Variants in MAP3K1 observed in about 807,000 individuals in gnomAD.
MAP3K1 encodes the protein mitogen-activated protein kinase kinase kinase 1.
In MAP3K1, 36 loss-of-function variants were observed where a neutral mutation model predicts 144.2. That is an observed-to-expected ratio of 0.25 (90% CI 0.19 to 0.33). The LOEUF is 0.33. Among genes scored for constraint, MAP3K1 ranks in the 10% least tolerant of loss-of-function variants. The pLI, the probability that MAP3K1 is intolerant of heterozygous loss-of-function variation, is 1.00. For synonymous variants in MAP3K1, 718 were observed against 688.7 expected (o/e 1.04, Z -0.67); for missense variants, 1,650 against 1,881.9 (o/e 0.88, Z 2.28).
At position 56,856,622 on chromosome 5, in the gene MAP3K1, A is replaced by G; in HGVS notation, c.505A>G (p.Thr169Ala). 1 of 1,613,800 alleles carries G rather than the reference A, an allele frequency of 6.2e-7. No individual in the cohort carries two copies. The highest frequency in any genetic ancestry group is 1.1e-5 in the South Asian group (1 of 91,082). ...TAGTCGTGAGATGGAGAATAAAGAAACTCTCAAAGGGTTGCACAAGATGGA... is the reference window on the plus strand; with the variant it reads ...TAGTCGTGAGATGGAGAATAAAGAAGCTCTCAAAGGGTTGCACAAGATGGA... ...PAGREMENKE[T>A]LKGLHKMDDR... The change falls in exon 2 of 20, where the codon ACT becomes GCT. Residue 169 changes from threonine to alanine, a missense_variant. Thr to Ala is a moderately conservative substitution (Grantham distance 58). This residue lies in a region of MAP3K1 where 360 missense variants were observed against 274.7 expected (regional missense o/e 1.31). Coordinates refer to ENST00000399503, the MANE Select transcript of MAP3K1 (RefSeq NM_005921.2).
At chr5:56,829,305 C>A (rs1044158694) in intron 1 of MAP3K1, among the ~76,000 whole-genome samples, 11 of 151,656 alleles carry the variant, frequency 7.3e-5, no homozygotes, top group African/African-American at 2.4e-4. Context: ...ACTTCAGCCT[C>A]CTGCGTAGCT....
chr5:56,839,030 A>C (rs1306696929), intron 1 of MAP3K1, among the ~76,000 whole-genome samples: 1 of 152,210 alleles, frequency 6.6e-6, no homozygotes, highest in Non-Finnish European at 1.5e-5. Context: ...TTCCTAGGGA[A>C]TAATATTAGT....
intron 1 of MAP3K1, among the ~76,000 whole-genome samples, chr5:56,839,284 G>C (rs1163327755): frequency 6.6e-6 from 1 of 152,194 alleles, no homozygotes; most frequent in East Asian, 1.9e-4. Context: ...GGACATTTTT[G>C]ATGTTGTGGC....
chr5:56,821,805 A>T (rs1259227971), intron 1 of MAP3K1, among the ~76,000 whole-genome samples: 1 of 152,192 alleles, frequency 6.6e-6, no homozygotes, highest in Non-Finnish European at 1.5e-5. Context: ...ACTTTATCTG[A>T]TTCTTTGCAC....
intron 3 of MAP3K1, among the ~76,000 whole-genome samples, chr5:56,862,989 A>G (rs1284829080): frequency 6.6e-6 from 1 of 152,236 alleles, no homozygotes; most frequent in African/African-American, 2.4e-5. Flanking sequence ...CAAAATAGGT[A>G]GTAGGTAGCC....
chr5:56,834,905 ATAT>A (rs1430552650), intron 1 of MAP3K1, among the ~76,000 whole-genome samples: 19 of 152,270 alleles, frequency 1.2e-4, no homozygotes, highest in African/African-American at 3.9e-4. Context: ...TTAATTTTAG[ATAT>A]TATTATAATA....
chr5:56,856,002 C>T (rs374196331), intron 1 of MAP3K1, among the ~76,000 whole-genome samples: 2 of 152,074 alleles, frequency 1.3e-5, no homozygotes, highest in East Asian at 3.8e-4. Context: ...CTGGTAAATC[C>T]ACACCATTTT....
rs832547 is a variant in MAP3K1, at chr5:56,888,114, C to G, written c.4258-112C>G. The G allele has an allele frequency of 0.79, 718,087 of 912,532 alleles. 284,910 individuals are homozygous for G. The highest frequency in any genetic ancestry group is 0.82 in the Non-Finnish European group (459,681 of 560,742). 56.5% of individuals were successfully genotyped at this position (912,532 alleles called of 1,614,324 possible). Reference sequence around the variant, plus strand: ...TAGATATTAGGTAGTCCACAGAATTCCTGTTTGTACCAGTTTTCTCCCTAA... The same window carrying G: ...TAGATATTAGGTAGTCCACAGAATTGCTGTTTGTACCAGTTTTCTCCCTAA... On this transcript the variant is annotated intron_variant, in intron 18 of 19. Transcript: ENST00000399503.
At chr5:56,831,965 A>G (rs1391428033) in intron 1 of MAP3K1, among the ~76,000 whole-genome samples, 1 of 152,154 alleles carries the variant, frequency 6.6e-6, no homozygotes, top group Non-Finnish European at 1.5e-5. Flanking sequence ...CTTTAGTGGA[A>G]AGATATTTAA....
At chr5:56,880,957 C>T in intron 12 of MAP3K1, 126 bp from the exon 13 acceptor site, 1 of 1,062,312 alleles carries the variant, frequency 9.4e-7, no homozygotes, top group East Asian at 2.6e-5. Context: ...GTGAATTACT[C>T]TGAGAGAGAA....
At chr5:56,827,507 G>T (rs1191669254) in intron 1 of MAP3K1, among the ~76,000 whole-genome samples, 2 of 152,162 alleles carry the variant, frequency 1.3e-5, no homozygotes, top group African/African-American at 4.8e-5. Context: ...ATCCACTGTG[G>T]TCCTGAATGT....
rs1367298816 is a variant in MAP3K1 at position 56,894,122 on chromosome 5, C to G, written c.*442C>G. 9.4e-6 allele frequency: 3 copies of G among 317,798 alleles called. No homozygotes were observed. The highest frequency in any genetic ancestry group is 6.2e-5 in the African/African-American group (3 of 48,092). The allele number at this position is 317,798 out of a possible 1,614,324, so 19.7% of individuals were successfully genotyped here. On this transcript the variant is annotated 3_prime_UTR_variant, in exon 20 of 20. Coordinates refer to ENST00000399503, the MANE Select transcript of MAP3K1 (RefSeq NM_005921.2). The stretch of plus-strand genomic sequence containing the variant: ...AATTTTTTGTCACTGGCTATAAAAT[C>G]AGTATCTGCCTCTTTTAGGTCAGAG...
intron 19 of MAP3K1, 129 bp downstream of exon 19, chr5:56,888,486 C>T: frequency 2.4e-6 from 2 of 836,942 alleles, no homozygotes; most frequent in South Asian, 1.5e-5. Context: ...TATATTTATT[C>T]AGAGAGGATT....
At chr5:56,848,782 C>T (rs1238012375) in intron 1 of MAP3K1, among the ~76,000 whole-genome samples, 1 of 152,078 alleles carries the variant, frequency 6.6e-6, no homozygotes, top group African/African-American at 2.4e-5. Context: ...TGTGCATGAC[C>T]ATGTGGAATA....
At chr5:56,869,312 A>G (rs984615667) in intron 6 of MAP3K1, among the ~76,000 whole-genome samples, 98 of 152,104 alleles carry the variant, frequency 6.4e-4, no homozygotes, top group African/African-American at 2.1e-3. Context: ...TGGAGGAAGG[A>G]GATCATGGAA....
Position 56,894,839 on chromosome 5 carries a change from A to G in MAP3K1, c.*1159A>G. 1 of 232,184 alleles carries G rather than the reference A, an allele frequency of 4.3e-6. No individual in the cohort carries two copies. 14.4% of individuals were successfully genotyped at this position (232,184 alleles called of 1,614,324 possible). A position where few individuals can be genotyped will look rare whatever the true frequency, so the allele number is the denominator to read the frequency against. ...CAGTACATTTGCTTTGAACTTGGAA[A>G]ATGTGTTCAGAAAGAAAAATGGAAT... On this transcript the variant is annotated 3_prime_UTR_variant, in exon 20 of 20. Transcript: ENST00000399503.
intron 1 of MAP3K1, among the ~76,000 whole-genome samples, chr5:56,850,418 T>TA (rs1260735249): frequency 6.6e-6 from 1 of 152,216 alleles, no homozygotes; most frequent in Non-Finnish European, 1.5e-5. Context: ...CTACGATCGT[T>TA]ATAGTCTTAG....
chr5:56,856,365 A>T (rs909235515), intron 1 of MAP3K1, among the ~76,000 whole-genome samples: 4 of 152,210 alleles, frequency 2.6e-5, no homozygotes, highest in African/African-American at 9.6e-5. Context: ...TATAGTGCTT[A>T]ATGTCTTGGG....
In MAP3K1 at chr5:56,815,725, G is replaced by T; in HGVS notation, c.152G>T (p.Gly51Val). Residue 51 changes from glycine to valine, a missense_variant, in exon 1 of 20, where the codon GGC (glycine) becomes GTC (valine). Physicochemically the swap from Gly to Val is moderately radical, Grantham distance 109. This residue lies in a region of MAP3K1 where 360 missense variants were observed against 274.7 expected (regional missense o/e 1.31). Transcript: ENST00000399503. The part of the protein sequence containing the change: ...AGLLREAGSG[G>V]RERADWRRRQ... ...CTGCTGCGGGAGGCGGGCAGCGGGG[G>T]CCGCGAGCGGGCGGACTGGCGGCGG... is the stretch of plus-strand genomic sequence containing the variant. The T allele has an allele frequency of 3.0e-6, 4 of 1,337,810 alleles. No homozygotes were observed. The highest frequency in any genetic ancestry group is 3.8e-6 in the Non-Finnish European group (4 of 1,043,352). 82.9% of individuals were successfully genotyped at this position (1,337,810 alleles called of 1,614,324 possible).
Sources: gnomAD v4.1 joint callset for allele counts (sites outside exome capture counted in the v4.1 genomes callset) on GRCh38, gnomAD v4.1.1 for gene constraint, gnomAD v4.1.1 regional missense constraint, MANE v1.5 for transcripts, NCBI Gene and HGNC (gene_info 2026-07-23, HGNC 2026-07-21) for gene names.